The following BMAL1 variants were observed in gnomAD, a reference collection of about 807,000 sequenced individuals.
BMAL1 encodes the protein basic helix-loop-helix ARNT like 1.
the BMAL1 span, among the ~76,000 whole-genome samples, chr11:13,345,259 A>G: frequency 6.6e-6 from 1 of 152,204 alleles, no homozygotes; most frequent in African/African-American, 2.4e-5. Context: ...CTGTTCTTTT[A>G]CAACACTTGT....
chr11:13,360,696 G>A, the BMAL1 span, among the ~76,000 whole-genome samples: 2 of 152,178 alleles, frequency 1.3e-5, no homozygotes, highest in African/African-American at 4.8e-5. Flanking sequence ...TTAAAAATAA[G>A]GGGGATTTGA....
chr11:13,386,861 A>T, the BMAL1 span: 1 of 1,369,428 alleles, frequency 7.3e-7, no homozygotes, highest in Non-Finnish European at 9.8e-7. Flanking sequence ...GCTTTTATGT[A>T]CTGACTTCAT....
At chr11:13,307,845 A>C in the BMAL1 span, among the ~76,000 whole-genome samples, 412 of 152,318 alleles carry the variant, frequency 2.7e-3, 3 homozygotes, top group Non-Finnish European at 4.1e-3. Flanking sequence ...GCCTGCCCCG[A>C]GGCCCGCGAG....
the BMAL1 span, among the ~76,000 whole-genome samples, chr11:13,292,793 A>G: frequency 6.6e-6 from 1 of 152,122 alleles, no homozygotes; most frequent in Non-Finnish European, 1.5e-5. Flanking sequence ...CTTCCATTTG[A>G]TGGTTGAAGG....
the BMAL1 span, among the ~76,000 whole-genome samples, chr11:13,296,425 C>T: frequency 1.3e-5 from 2 of 152,202 alleles, no homozygotes; most frequent in Non-Finnish European, 2.9e-5. Flanking sequence ...CCGATTTTAA[C>T]CAGAGAGTAA....
the BMAL1 span, chr11:13,355,146 T>C: frequency 7.7e-7 from 1 of 1,304,978 alleles, no homozygotes; most frequent in Non-Finnish European, 1.1e-6. Context: ...AAATGTCCAT[T>C]TAAGAGGTTT....
At chr11:13,331,714 T>C in the BMAL1 span, among the ~76,000 whole-genome samples, 2 of 152,200 alleles carry the variant, frequency 1.3e-5, no homozygotes, top group Admixed American at 1.3e-4. Flanking sequence ...GTAGCCAATA[T>C]CAGTGGACTG....
the BMAL1 span, among the ~76,000 whole-genome samples, chr11:13,350,894 A>T: frequency 6.6e-6 from 1 of 152,248 alleles, no homozygotes; most frequent in Non-Finnish European, 1.5e-5. Context: ...AACATCAATG[A>T]TGAACAAAGA....
chr11:13,359,696 C>G, the BMAL1 span, among the ~76,000 whole-genome samples: 2 of 152,150 alleles, frequency 1.3e-5, no homozygotes, highest in Admixed American at 1.3e-4. Context: ...AAATCATTTA[C>G]TGCTGGCATT....
At chr11:13,325,715 TTC>T in the BMAL1 span, among the ~76,000 whole-genome samples, 2 of 147,112 alleles carry the variant, frequency 1.4e-5, no homozygotes, top group Non-Finnish European at 3.0e-5. Flanking sequence ...GATTCCTTCT[TTC>T]AAAAATTCAA....
chr11:13,346,157 C>T, the BMAL1 span, among the ~76,000 whole-genome samples: 2 of 152,218 alleles, frequency 1.3e-5, no homozygotes, highest in African/African-American at 2.4e-5. Context: ...CAGTCATGGG[C>T]ACAGACAGAG....
the BMAL1 span, chr11:13,356,897 G>T: frequency 6.3e-7 from 1 of 1,590,774 alleles, no homozygotes; most frequent in South Asian, 1.1e-5. Flanking sequence ...CAAGGAGGCC[G>T]TGAGCCTGTG....
the BMAL1 span, among the ~76,000 whole-genome samples, chr11:13,298,160 C>T: frequency 6.6e-6 from 1 of 152,208 alleles, no homozygotes; most frequent in African/African-American, 2.4e-5. Context: ...GCACTCACTT[C>T]CTCCCCAACT....
the BMAL1 span, among the ~76,000 whole-genome samples, chr11:13,303,853 G>A: frequency 2.2e-3 from 336 of 152,274 alleles, 2 homozygotes; most frequent in African/African-American, 7.1e-3. Flanking sequence ...GCCATGTGCC[G>A]CCTAAAAAAA....
the BMAL1 span, among the ~76,000 whole-genome samples, chr11:13,284,124 GTGTGTA>G: frequency 1.0e-3 from 106 of 106,308 alleles, no homozygotes; most frequent in African/African-American, 2.7e-3. Flanking sequence ...ATATATGTGT[GTGTGTA>G]TATATATATA....
chr11:13,328,039 T>C, the BMAL1 span, among the ~76,000 whole-genome samples: 1 of 152,226 alleles, frequency 6.6e-6, no homozygotes, highest in Non-Finnish European at 1.5e-5. Flanking sequence ...TACTATGTGC[T>C]ATTTGCATTT....
the BMAL1 span, among the ~76,000 whole-genome samples, chr11:13,334,527 TG>T: frequency 1.7e-5 from 1 of 60,174 alleles, no homozygotes; most frequent in African/African-American, 4.0e-5. Context: ...GGGCTCTTGA[TG>T]TTTTTTTTTT....
chr11:13,304,733 C>A, the BMAL1 span, among the ~76,000 whole-genome samples: 1 of 152,170 alleles, frequency 6.6e-6, no homozygotes, highest in Admixed American at 6.5e-5. Context: ...TGAGATATGC[C>A]TACTGGAGTC....
the BMAL1 span, among the ~76,000 whole-genome samples, chr11:13,326,744 C>T: frequency 3.3e-5 from 5 of 150,324 alleles, no homozygotes; most frequent in African/African-American, 1.2e-4. Context: ...TATATATCTT[C>T]TATATTATGA....
Sources: allele counts gnomAD v4.1 joint callset (sites outside exome capture counted in the v4.1 genomes callset), GRCh38; gene constraint gnomAD v4.1.1; transcripts MANE v1.5; gene names NCBI Gene and HGNC (gene_info 2026-07-23, HGNC 2026-07-21).